Variants in DIAPH3 observed in about 807,000 individuals in gnomAD.
The protein encoded by DIAPH3 is protein diaphanous homolog 3.
Under a neutral mutation model 144.3 loss-of-function variants are expected in DIAPH3, and 117 were observed. The observed-to-expected ratio is 0.81, with a 90% CI of 0.70 to 0.95. DIAPH3 has a LOEUF of 0.95. Among genes scored for constraint, DIAPH3 ranks in the 40% least tolerant of loss-of-function variants. DIAPH3 has a pLI of 0.00. For missense variants in DIAPH3, 1,421 were observed against 1,412.7 expected, an observed-to-expected ratio of 1.01 and a Z score of -0.09; for synonymous variants, 519 against 488.9, an observed-to-expected ratio of 1.06 and a Z score of -0.81.
At chr13:59,691,939 T>G (rs2033546978) in intron 27 of DIAPH3, among the ~76,000 whole-genome samples, 1 of 152,130 alleles carries the variant, frequency 6.6e-6, no homozygotes. Context: ...TATGCAATGT[T>G]CATGTTAGGA....
chr13:59,759,715 G>A (rs1323482721), intron 27 of DIAPH3, among the ~76,000 whole-genome samples: 1 of 152,078 alleles, frequency 6.6e-6, no homozygotes, highest in Non-Finnish European at 1.5e-5. Flanking sequence ...GGAGGCAGAG[G>A]TGGGTGGATC....
chr13:60,007,484 T>C (rs771370707), intron 9 of DIAPH3, among the ~76,000 whole-genome samples: 15 of 152,166 alleles, frequency 9.9e-5, no homozygotes, highest in Non-Finnish European at 1.3e-4. Flanking sequence ...AAAAAAAAAC[T>C]ATAACTTTTT....
At chr13:59,747,342 C>T (rs2036758371) in intron 27 of DIAPH3, among the ~76,000 whole-genome samples, 1 of 152,132 alleles carries the variant, frequency 6.6e-6, no homozygotes, top group African/African-American at 2.4e-5. Flanking sequence ...ATGTGACTTA[C>T]AGATTTTGCA....
chr13:59,898,256 C>A lies in DIAPH3; in HGVS notation c.2367+13479G>T, dbSNP rs149269397. Among the ~76,000 whole-genome samples the A allele has an allele frequency of 3.5e-3, 538 of 151,998 alleles. 5 individuals are homozygous for A. Among genetic ancestry groups the A allele is most frequent in the African/African-American group, 0.012 (512 of 41,470 alleles). Reference sequence around the variant, plus strand: ...CTACACACATGCATGCTCTCCTAATCTCACCACAGCTCTGTGAGACAGGTT... The same window carrying A: ...CTACACACATGCATGCTCTCCTAATATCACCACAGCTCTGTGAGACAGGTT... On this transcript the variant is annotated intron_variant, in intron 20 of 27. Transcript: ENST00000400324.
chr13:59,968,809 T>A (rs575448963), intron 17 of DIAPH3, among the ~76,000 whole-genome samples: 1 of 152,312 alleles, frequency 6.6e-6, no homozygotes, highest in African/African-American at 2.4e-5. Context: ...CTGCCAGCAT[T>A]CTTTGGCTGC....
intron 2 of DIAPH3, among the ~76,000 whole-genome samples, chr13:60,124,381 G>T (rs2058930388): frequency 6.6e-6 from 1 of 152,130 alleles, no homozygotes; most frequent in South Asian, 2.1e-4. Context: ...ATTTTTCCAT[G>T]TCCTTTGTAA....
chr13:60,001,905 T>C (rs950840107), intron 9 of DIAPH3, among the ~76,000 whole-genome samples: 2 of 152,120 alleles, frequency 1.3e-5, no homozygotes, highest in African/African-American at 4.8e-5. Flanking sequence ...TGGGAAGTGG[T>C]AAAAAATCTG....
chr13:59,936,429 A>G (rs2048263341), intron 17 of DIAPH3, among the ~76,000 whole-genome samples: 1 of 152,212 alleles, frequency 6.6e-6, no homozygotes, highest in South Asian at 2.1e-4. Context: ...AGATTTAACT[A>G]GCAGAAAAAC....
chr13:59,938,037 T>A (rs1044726932), intron 17 of DIAPH3, among the ~76,000 whole-genome samples: 2 of 152,162 alleles, frequency 1.3e-5, no homozygotes, highest in Non-Finnish European at 2.9e-5. Context: ...GGAATTCAAG[T>A]CACTTGCCCA....
At chr13:59,934,784 A>G (rs2048185308) in intron 17 of DIAPH3, among the ~76,000 whole-genome samples, 2 of 152,172 alleles carry the variant, frequency 1.3e-5, no homozygotes, top group Admixed American at 1.3e-4. Context: ...ACCACCACAC[A>G]GCAAGCCTAG....
intron 22 of DIAPH3, among the ~76,000 whole-genome samples, chr13:59,854,145 CAG>C (rs1225690178): frequency 6.6e-6 from 1 of 151,936 alleles, no homozygotes; most frequent in Non-Finnish European, 1.5e-5. Context: ...AAGATGCAGG[CAG>C]AGAGTGGAGT....
intron 17 of DIAPH3, among the ~76,000 whole-genome samples, chr13:59,950,868 C>T (rs1025546755): frequency 2.0e-5 from 3 of 152,010 alleles, no homozygotes; most frequent in Non-Finnish European, 4.4e-5. Context: ...AGTATAAACA[C>T]TGCTAGAAAA....
chr13:60,109,856 T>G (rs1566783014), intron 3 of DIAPH3, among the ~76,000 whole-genome samples: 1 of 152,214 alleles, frequency 6.6e-6, no homozygotes, highest in Non-Finnish European at 1.5e-5. Flanking sequence ...AATGTAGTGA[T>G]GAACACAACT....
chr13:59,811,222 T>C (rs964871029), intron 24 of DIAPH3, among the ~76,000 whole-genome samples: 1 of 152,006 alleles, frequency 6.6e-6, no homozygotes, highest in African/African-American at 2.4e-5. Context: ...AAAAAAAAAC[T>C]AATTCACAAA....
At chr13:60,055,311 T>A in intron 4 of DIAPH3, among the ~76,000 whole-genome samples, 1 of 151,948 alleles carries the variant, frequency 6.6e-6, no homozygotes, top group East Asian at 1.9e-4. Context: ...TATCCATCAA[T>A]ATTTAACCAG....
intron 2 of DIAPH3, among the ~76,000 whole-genome samples, chr13:60,131,455 A>T (rs928095779): frequency 1.3e-5 from 2 of 151,112 alleles, no homozygotes; most frequent in East Asian, 3.9e-4. Context: ...AAAAAAAAAA[A>T]AAAAACAAAT....
Position 59,763,279 on chromosome 13 carries a change from C to A in DIAPH3, c.3319+10910G>T, listed in dbSNP as rs184000555. Among the ~76,000 whole-genome samples, 146 of 141,440 alleles carry A rather than the reference C, an allele frequency of 1.0e-3. 3 individuals carry two copies. In the South Asian group the frequency reaches 0.013, roughly 13 times the overall value. The allele number at this position is 141,440 out of a possible 152,430, so 92.8% of individuals were successfully genotyped here. A position where few individuals can be genotyped will look rare whatever the true frequency, so the allele number is the denominator to read the frequency against. ...GTATATACATATGTACACATATATA[C>A]ATATATTCACATATATGTATATACA... is the stretch of plus-strand genomic sequence containing the variant. On this transcript the variant is annotated intron_variant, in intron 27 of 27. Coordinates refer to ENST00000400324, the MANE Select transcript of DIAPH3 (RefSeq NM_001042517.2).
At chr13:59,756,146 T>C (rs935794626) in intron 27 of DIAPH3, among the ~76,000 whole-genome samples, 1 of 152,128 alleles carries the variant, frequency 6.6e-6, no homozygotes, top group African/African-American at 2.4e-5. Flanking sequence ...ACCTGTATTT[T>C]GACAAGACCA....
intron 3 of DIAPH3, among the ~76,000 whole-genome samples, chr13:60,099,966 A>T (rs972261271): frequency 6.7e-6 from 1 of 148,328 alleles, no homozygotes; most frequent in African/African-American, 2.5e-5. Context: ...GAAGGAAGGA[A>T]GGAAGGAAAG....
Sources: allele counts gnomAD v4.1 joint callset (sites outside exome capture counted in the v4.1 genomes callset), GRCh38; gene constraint gnomAD v4.1.1; transcripts MANE v1.5; gene names NCBI Gene and HGNC (gene_info 2026-07-23, HGNC 2026-07-21).